Variants in UNC80 observed in about 807,000 individuals in gnomAD.
UNC80 encodes the protein unc-80 subunit of NALCN channel complex.
In UNC80, 164 loss-of-function variants were observed where a neutral mutation model predicts 384.6. The observed-to-expected ratio is 0.43, with a 90% CI of 0.38 to 0.49. The LOEUF is 0.49. Among genes scored for constraint, UNC80 ranks in the 20% least tolerant of loss-of-function variants. The probability of loss-of-function intolerance (pLI) is 0.00; values close to 1 mark genes in which losing one functional copy is unlikely to be tolerated. For synonymous variants in UNC80, 1,486 were observed against 1,527.8 expected (o/e 0.97, Z 0.64); for missense variants, 3,330 against 4,143.0 (o/e 0.80, Z 5.39).
rs181502114 is a variant in UNC80, at chr2:209,820,822, G to C, written c.2331+143G>C. 53 of 881,236 alleles carry C rather than the reference G, an allele frequency of 6.0e-5. No individual in the cohort carries two copies. In the Middle Eastern group the frequency reaches 2.8e-3, roughly 47 times the overall value. The allele number at this position is 881,236 out of a possible 1,614,324, so 54.6% of individuals were successfully genotyped here. A position where few individuals can be genotyped will look rare whatever the true frequency, so the allele number is the denominator to read the frequency against. On this transcript the variant is annotated intron_variant, in intron 13 of 64. Coordinates refer to ENST00000673920, the MANE Select transcript of UNC80 (RefSeq NM_001371986.1). The stretch of plus-strand genomic sequence containing the variant: ...GGAGAGTGGAGAAATCTCTTCATTA[G>C]GTTCTCAGTAGGCATTAGCAGAAAC...
At chr2:209,959,807 T>C (rs571358951) in intron 51 of UNC80, 100 bp downstream of exon 51, 3 of 1,091,274 alleles carry the variant, frequency 2.7e-6, no homozygotes, top group South Asian at 3.2e-5. Flanking sequence ...CAGGAAAAAC[T>C]CTTAATATAG....
chr2:209,808,972 G>A, intron 7 of UNC80: 1 of 316,842 alleles, frequency 3.2e-6, no homozygotes, highest in Non-Finnish European at 6.1e-6. Flanking sequence ...CGCCTTCCTG[G>A]CGCTCCAAGC....
At chr2:209,889,465 T>C (rs1292473047) in intron 26 of UNC80, among the ~76,000 whole-genome samples, 1 of 152,204 alleles carries the variant, frequency 6.6e-6, no homozygotes, top group Non-Finnish European at 1.5e-5. Context: ...TGGTCATTCA[T>C]GTTTCTGTCC....
intron 29 of UNC80, among the ~76,000 whole-genome samples, chr2:209,910,667 T>TA (rs1326942519): frequency 1.3e-5 from 2 of 151,042 alleles, no homozygotes; most frequent in African/African-American, 2.4e-5. Flanking sequence ...TTTTTTTTTT[T>TA]TTTGGTGTGC....
chr2:209,849,617 G>C lies in UNC80; in HGVS notation c.3621G>C (p.Leu1207Phe). The C allele has an allele frequency of 2.6e-6, 4 of 1,550,514 alleles. No individual in the cohort carries two copies. The highest frequency in any genetic ancestry group is 3.5e-6 in the Non-Finnish European group (4 of 1,146,250). The change falls in exon 22 of 65, where the codon TTG becomes TTC. Residue 1207 changes from leucine to phenylalanine, a missense_variant. Leu to Phe is a conservative substitution (Grantham distance 22, BLOSUM62 0). Around this residue, in one of 8 missense-constraint regions of UNC80, gnomAD observed 801 missense variants for 950.8 expected, o/e 0.84. Transcript: ENST00000673920. Reference protein sequence around the residue: ...IPDASILAAALDLEAPVVARA... With the variant: ...IPDASILAAAFDLEAPVVARA... Reference sequence around the variant, plus strand: ...ATGCCTCCATCCTAGCAGCTGCCTTGGATCTAGTAAGTTGGTGAAAGAATT... The same window carrying C: ...ATGCCTCCATCCTAGCAGCTGCCTTCGATCTAGTAAGTTGGTGAAAGAATT...
intron 25 of UNC80, among the ~76,000 whole-genome samples, chr2:209,885,953 C>T (rs1166285700): frequency 1.3e-5 from 2 of 151,708 alleles, no homozygotes; most frequent in Admixed American, 6.6e-5. Context: ...TTAGTAGGGA[C>T]GGGGTTTCAC....
At chr2:209,972,106 G>T in intron 54 of UNC80, 95 bp from the exon 55 acceptor site, 1 of 1,430,882 alleles carries the variant, frequency 7.0e-7, no homozygotes, top group Non-Finnish European at 9.3e-7. Flanking sequence ...GGAGCAGCCA[G>T]CAGGGAGTCA....
intron 27 of UNC80, 146 bp downstream of exon 27, chr2:209,894,512 T>G (rs1574921196): frequency 9.1e-6 from 3 of 328,008 alleles, no homozygotes; most frequent in Non-Finnish European, 1.3e-5. Flanking sequence ...CTGAAAACCA[T>G]ACTACCCTTG....
intron 22 of UNC80, among the ~76,000 whole-genome samples, chr2:209,867,215 A>G (rs926195184): frequency 2.0e-5 from 3 of 152,226 alleles, no homozygotes; most frequent in East Asian, 3.8e-4. Flanking sequence ...AGGCCCTACA[A>G]TGGATCTACT....
rs573931271 is a variant in UNC80, at chr2:209,957,731, C to T, written c.7545C>T (p.Asn2515=). The T allele has an allele frequency of 1.4e-5, 21 of 1,551,372 alleles. No homozygotes were observed. In the South Asian group the frequency reaches 2.4e-4, roughly 18 times the overall value. Reference sequence around the variant, plus strand: ...ATCACACCATGTCGTCTGGGGTGAACACCAGGTAATTCACTGCGCCTTATT... The same window carrying T: ...ATCACACCATGTCGTCTGGGGTGAATACCAGGTAATTCACTGCGCCTTATT... The part of the protein sequence containing the change: ...TANHTMSSGV[N]TRYQEQGAKL... Residue 2515 remains asparagine, a synonymous_variant, in exon 49 of 65, where the codon AAC becomes AAT. Coordinates refer to ENST00000673920, the MANE Select transcript of UNC80 (RefSeq NM_001371986.1).
chr2:209,924,162 C>T (rs937663121), intron 35 of UNC80, among the ~76,000 whole-genome samples: 10 of 151,922 alleles, frequency 6.6e-5, no homozygotes, highest in African/African-American at 1.5e-4. Flanking sequence ...CAATATTTTC[C>T]GGGTTTCTTA....
intron 21 of UNC80, among the ~76,000 whole-genome samples, chr2:209,848,679 A>G (rs1183278158): frequency 1.3e-5 from 2 of 152,154 alleles, no homozygotes; most frequent in East Asian, 1.9e-4. Context: ...ATTGGTAATT[A>G]TTTTTATGCC....
chr2:209,897,274 C>T (rs996065777), intron 28 of UNC80, among the ~76,000 whole-genome samples: 2 of 152,254 alleles, frequency 1.3e-5, no homozygotes, highest in African/African-American at 4.8e-5. Flanking sequence ...ACCTGTGTAA[C>T]CACTGCCAGG....
chr2:209,818,076 G>A lies in UNC80; in HGVS notation c.1693+124G>A, dbSNP rs1484375805. The A allele has an allele frequency of 2.4e-6, 3 of 1,244,460 alleles. No individual in the cohort carries two copies. The Admixed American group carries it at 7.6e-5, about 32-fold the overall frequency. 77.1% of individuals were successfully genotyped at this position (1,244,460 alleles called of 1,614,324 possible). A position where few individuals can be genotyped will look rare whatever the true frequency, so the allele number is the denominator to read the frequency against. On this transcript the variant is annotated intron_variant, in intron 11 of 64. Transcript: ENST00000673920. Reference sequence around the variant, plus strand: ...GTTTTCTGAAAACTGGCATTCTTGTGCTGAATTGCTTTTGTTAGCCATTCT... The same window carrying A: ...GTTTTCTGAAAACTGGCATTCTTGTACTGAATTGCTTTTGTTAGCCATTCT...
Position 209,881,042 on chromosome 2 carries a change from T to G in UNC80, c.4058T>G (p.Phe1353Cys). ...CAGCTTCTTCTGGAGATTACCACCTTCCTGCGAGAGACCTTTTCTTGCCTG... is the reference window on the plus strand; with the variant it reads ...CAGCTTCTTCTGGAGATTACCACCTGCCTGCGAGAGACCTTTTCTTGCCTG... ...ACQLLLEITT[F>C]LRETFSCLPR... Residue 1353 changes from phenylalanine (F) to cysteine (C), a missense_variant, in exon 25 of 65, where the codon TTC becomes TGC. By Grantham distance (205) the Phe-to-Cys change is radical. Around this residue, in one of 8 missense-constraint regions of UNC80, gnomAD observed 801 missense variants for 950.8 expected, o/e 0.84. Transcript: ENST00000673920. The G allele has an allele frequency of 1.3e-6, 2 of 1,551,768 alleles. No homozygotes were observed. The highest frequency in any genetic ancestry group is 1.7e-6 in the Non-Finnish European group (2 of 1,147,024).
intron 23 of UNC80, among the ~76,000 whole-genome samples, chr2:209,874,772 T>C (rs887765106): frequency 6.6e-6 from 1 of 152,224 alleles, no homozygotes; most frequent in African/African-American, 2.4e-5. Context: ...ATAGCAGTTT[T>C]CAGATCCCAG....
At chr2:209,990,425 ACTT>A (rs2093371001) in intron 61 of UNC80, among the ~76,000 whole-genome samples, 1 of 152,124 alleles carries the variant, frequency 6.6e-6, no homozygotes, top group African/African-American at 2.4e-5. Flanking sequence ...ACATCAACTA[ACTT>A]CTTTTCTCTA....
intron 13 of UNC80, among the ~76,000 whole-genome samples, chr2:209,823,514 G>A (rs952766751): frequency 2.6e-5 from 4 of 151,930 alleles, no homozygotes; most frequent in Non-Finnish European, 4.4e-5. Context: ...CTCTGCTTTC[G>A]GAACCACTCA....
intron 28 of UNC80, among the ~76,000 whole-genome samples, chr2:209,898,828 T>C (rs898654332): frequency 5.3e-5 from 8 of 152,192 alleles, no homozygotes; most frequent in African/African-American, 1.9e-4. Context: ...GTTCAATTGT[T>C]TTGATTTTTA....
Sources: allele counts gnomAD v4.1 joint callset (sites outside exome capture counted in the v4.1 genomes callset), GRCh38; gene constraint gnomAD v4.1.1; regional missense constraint gnomAD v4.1.1; transcripts MANE v1.5; gene names NCBI Gene and HGNC (gene_info 2026-07-23, HGNC 2026-07-21).